PSMA1: variants seen among roughly 807,000 people sequenced by gnomAD.
The protein encoded by PSMA1 is proteasome subunit alpha type-1.
PSMA1 carries 3 observed loss-of-function variants against 38.4 expected under a neutral mutation model. The ratio of observed to expected loss-of-function variants is 0.08; its 90% CI spans 0.04 to 0.20. PSMA1 has a LOEUF of 0.20. Ranked by LOEUF, PSMA1 falls within the 10% of genes least tolerant of loss-of-function variation. The pLI, the probability that PSMA1 is intolerant of heterozygous loss-of-function variation, is 1.00. For synonymous variants in PSMA1, 101 were observed against 107.1 expected, an observed-to-expected ratio of 0.94 and a Z score of 0.35; for missense variants, 227 against 325.3, an observed-to-expected ratio of 0.70 and a Z score of 2.32.
chr11:14,587,967 T>C (rs1466257586), intron 2 of PSMA1, among the ~76,000 whole-genome samples: 1 of 152,246 alleles, frequency 6.6e-6, no homozygotes, highest in Non-Finnish European at 1.5e-5. Context: ...TTATTGAGCA[T>C]CTACTCTGTA....
At chr11:14,538,201 CTAAG>C (rs1451764908) in intron 2 of PSMA1, among the ~76,000 whole-genome samples, 1 of 151,920 alleles carries the variant, frequency 6.6e-6, no homozygotes, top group African/African-American at 2.4e-5. Flanking sequence ...ACATTTTTTT[CTAAG>C]TATGTTTAAT....
intron 2 of PSMA1, among the ~76,000 whole-genome samples, chr11:14,591,860 G>A (rs977480827): frequency 3.3e-5 from 5 of 152,108 alleles, no homozygotes; most frequent in Admixed American, 1.3e-4. Context: ...GTGGCAACCC[G>A]CTCGGGTCCC....
chr11:14,591,284 C>T (rs1345904858), intron 2 of PSMA1, among the ~76,000 whole-genome samples: 1 of 152,232 alleles, frequency 6.6e-6, no homozygotes, highest in Non-Finnish European at 1.5e-5. Flanking sequence ...CTCACCCAAC[C>T]TTAGCTGGCT....
At chr11:14,638,285 A>G (rs1853135967) in intron 1 of PSMA1, among the ~76,000 whole-genome samples, 2 of 152,080 alleles carry the variant, frequency 1.3e-5, no homozygotes, top group South Asian at 4.1e-4. Flanking sequence ...ACGAAGTCAC[A>G]TTATTTACTC....
chr11:14,603,013 C>T (rs1852603229), intron 2 of PSMA1, among the ~76,000 whole-genome samples: 1 of 152,164 alleles, frequency 6.6e-6, no homozygotes, highest in Non-Finnish European at 1.5e-5. Flanking sequence ...TTCCAATGTA[C>T]CCATGAAAGC....
intron 2 of PSMA1, among the ~76,000 whole-genome samples, chr11:14,590,931 T>G (rs1006397431): frequency 9.2e-5 from 14 of 152,368 alleles, no homozygotes; most frequent in Admixed American, 2.6e-4. Flanking sequence ...TCTCGCTCGC[T>G]CTAGGCGCCT....
intron 2 of PSMA1, 80 bp downstream of exon 2, chr11:14,518,917 C>T: frequency 8.8e-7 from 1 of 1,140,148 alleles, no homozygotes; most frequent in Admixed American, 2.4e-5. Flanking sequence ...TTTCCCCAAG[C>T]CTACGCTCTC....
chr11:14,512,256 C>G (rs1412607944), intron 7 of PSMA1, among the ~76,000 whole-genome samples: 1 of 152,128 alleles, frequency 6.6e-6, no homozygotes, highest in Non-Finnish European at 1.5e-5. Context: ...TGCCTGCAAT[C>G]CCAGCTACTC....
At chr11:14,635,898 C>G (rs952695288) in intron 1 of PSMA1, among the ~76,000 whole-genome samples, 55 of 152,246 alleles carry the variant, frequency 3.6e-4, no homozygotes, top group African/African-American at 1.3e-3. Flanking sequence ...TAGGATAGCA[C>G]TATGAATACA....
chr11:14,629,236 C>T (rs1852965845), intron 1 of PSMA1, among the ~76,000 whole-genome samples: 1 of 151,928 alleles, frequency 6.6e-6, no homozygotes, highest in Non-Finnish European at 1.5e-5. Context: ...ACATGAAGTC[C>T]TTGCCCATGC....
chr11:14,532,656 C>T (rs993992157), intron 2 of PSMA1, among the ~76,000 whole-genome samples: 1 of 122,646 alleles, frequency 8.2e-6, no homozygotes, highest in African/African-American at 3.1e-5. Context: ...TCAATAAAGA[C>T]AATATGATTG....
At chr11:14,516,786 C>T (rs890222940) in intron 4 of PSMA1, among the ~76,000 whole-genome samples, 9 of 151,912 alleles carry the variant, frequency 5.9e-5, no homozygotes, top group South Asian at 2.1e-4. Flanking sequence ...ATTAGCCAGG[C>T]GTGGTGGCGG....
At chr11:14,511,066 C>T (rs1197964351) in intron 7 of PSMA1, 115 bp from the exon 8 acceptor site, 3 of 552,090 alleles carry the variant, frequency 5.4e-6, no homozygotes, top group Middle Eastern at 1.0e-3. Context: ...AAATTTATCA[C>T]AGTAAAAACA....
At chr11:14,638,904 A>G (rs1352148259) in intron 1 of PSMA1, among the ~76,000 whole-genome samples, 1 of 151,848 alleles carries the variant, frequency 6.6e-6, no homozygotes, top group East Asian at 1.9e-4. Flanking sequence ...GGGAACAAGA[A>G]AACTTGGAAA....
intron 1 of PSMA1, among the ~76,000 whole-genome samples, chr11:14,623,056 T>C (rs1852868511): frequency 6.6e-6 from 1 of 152,198 alleles, no homozygotes; most frequent in African/African-American, 2.4e-5. Context: ...CTGCTGGATA[T>C]GTTAAATCAC....
In PSMA1 at chr11:14,617,624, A is replaced by G. The variant is rs1368499643; in HGVS notation, c.-165-6473T>C. On this transcript the variant is annotated intron_variant, in intron 1 of 10. Coordinates refer to the PSMA1 transcript ENST00000418988. ...TTCAGAAAATCAGCTACTTGGTTTG[A>G]GTTCATCTTCAGCCTCTTTATTGTC... Among the ~76,000 whole-genome samples the G allele has an allele frequency of 4.6e-5, 7 of 151,958 alleles. No individual in the cohort carries two copies. In the East Asian group the frequency reaches 1.4e-3, roughly 29 times the overall value.
intron 2 of PSMA1, among the ~76,000 whole-genome samples, chr11:14,540,662 A>C (rs1445227618): frequency 2.0e-5 from 3 of 152,248 alleles, no homozygotes; most frequent in Non-Finnish European, 4.4e-5. Flanking sequence ...GTTAAACATC[A>C]ACTTTTCCTC....
At chr11:14,607,956 C>G (rs1284316580) in intron 2 of PSMA1, among the ~76,000 whole-genome samples, 1 of 152,136 alleles carries the variant, frequency 6.6e-6, no homozygotes, top group African/African-American at 2.4e-5. Context: ...ATCCTCACAG[C>G]AGGAAGTGTG....
intron 1 of PSMA1, among the ~76,000 whole-genome samples, chr11:14,641,619 C>G (rs1442932847): frequency 6.6e-6 from 1 of 152,186 alleles, no homozygotes; most frequent in Non-Finnish European, 1.5e-5. Context: ...CTTATAAAAA[C>G]CTGAATGACA....
Sources: gnomAD v4.1 joint callset for allele counts (sites outside exome capture counted in the v4.1 genomes callset) on GRCh38, gnomAD v4.1.1 for gene constraint, MANE v1.5 for transcripts, NCBI Gene and HGNC (gene_info 2026-07-23, HGNC 2026-07-21) for gene names.